Variants in GRID2 observed in about 807,000 individuals in gnomAD.
GRID2 encodes the protein glutamate ionotropic receptor delta type subunit 2.
Under a neutral mutation model 114.8 loss-of-function variants are expected in GRID2, and 33 were observed. That is an observed-to-expected ratio of 0.29 (90% CI 0.22 to 0.38). GRID2 has a LOEUF of 0.38. Ranked by LOEUF, GRID2 falls within the 10% of genes least tolerant of loss-of-function variation. The probability of loss-of-function intolerance (pLI) is 1.00; values close to 1 mark genes in which losing one functional copy is unlikely to be tolerated. For missense variants in GRID2, 1,184 were observed against 1,257.7 expected, an observed-to-expected ratio of 0.94 and a Z score of 0.89; for synonymous variants, 505 against 449.9, an observed-to-expected ratio of 1.12 and a Z score of -1.55.
chr4:93,201,007 A>T (rs1742050642), intron 4 of GRID2, among the ~76,000 whole-genome samples: 1 of 152,176 alleles, frequency 6.6e-6, no homozygotes, highest in African/African-American at 2.4e-5. Flanking sequence ...TTGTGTGGGC[A>T]CTATCATTAT....
chr4:92,496,191 G>A (rs553722812), intron 1 of GRID2, among the ~76,000 whole-genome samples: 8 of 151,824 alleles, frequency 5.3e-5, no homozygotes, highest in African/African-American at 1.9e-4. Context: ...TTAAAAAACT[G>A]ATATTTATCC....
intron 2 of GRID2, among the ~76,000 whole-genome samples, chr4:92,747,162 T>C (rs535955571): frequency 1.2e-4 from 19 of 152,164 alleles, no homozygotes; most frequent in Middle Eastern, 3.4e-3. Flanking sequence ...CCTAAAATGA[T>C]ATCTATTGCC....
At chr4:92,442,718 A>C (rs1733178140) in intron 1 of GRID2, among the ~76,000 whole-genome samples, 1 of 152,298 alleles carries the variant, frequency 6.6e-6, no homozygotes, top group African/African-American at 2.4e-5. Flanking sequence ...CTAGGGCTGT[A>C]AAGTGTCTCG....
intron 14 of GRID2, among the ~76,000 whole-genome samples, chr4:93,657,319 T>G (rs1723107159): frequency 1.3e-5 from 2 of 152,106 alleles, no homozygotes; most frequent in African/African-American, 4.8e-5. Flanking sequence ...TCATATGTAA[T>G]ACTTAGGATA....
At chr4:92,730,306 A>G (rs1310227671) in intron 2 of GRID2, among the ~76,000 whole-genome samples, 7 of 152,048 alleles carry the variant, frequency 4.6e-5, no homozygotes, top group Admixed American at 6.6e-5. Flanking sequence ...GATCTCAGCT[A>G]TTTTTAAAGG....
chr4:92,901,424 ACCCAAT>A (rs1747576321), intron 2 of GRID2, among the ~76,000 whole-genome samples: 1 of 152,028 alleles, frequency 6.6e-6, no homozygotes, highest in Admixed American at 6.6e-5. Context: ...AGATATGTTC[ACCCAAT>A]CTGTAGGTTG....
intron 2 of GRID2, among the ~76,000 whole-genome samples, chr4:92,704,632 C>T (rs988205269): frequency 4.6e-5 from 7 of 151,890 alleles, no homozygotes; most frequent in Non-Finnish European, 8.8e-5. Flanking sequence ...CCTTTCTTTA[C>T]GTGTAGAATT....
intron 13 of GRID2, among the ~76,000 whole-genome samples, chr4:93,548,263 A>T (rs1214730467): frequency 6.6e-6 from 1 of 152,208 alleles, no homozygotes; most frequent in East Asian, 1.9e-4. Flanking sequence ...AGTGAAGCAT[A>T]AACTCTTTGA....
intron 2 of GRID2, among the ~76,000 whole-genome samples, chr4:92,973,648 C>T (rs1753663715): frequency 6.6e-6 from 1 of 151,986 alleles, no homozygotes; most frequent in Non-Finnish European, 1.5e-5. Context: ...AGTAGCCATA[C>T]CAATGTGAGA....
chr4:93,544,948 A>G (rs1027002228), intron 13 of GRID2, among the ~76,000 whole-genome samples: 21 of 152,156 alleles, frequency 1.4e-4, no homozygotes, highest in African/African-American at 4.8e-4. Flanking sequence ...CATTCTTAAA[A>G]TGTGCTATTT....
chr4:93,536,891 A>T (rs550248022), intron 13 of GRID2, among the ~76,000 whole-genome samples: 1 of 151,664 alleles, frequency 6.6e-6, no homozygotes, highest in African/African-American at 2.4e-5. Flanking sequence ...CCTTTAAAGG[A>T]TAGAAGTTTT....
intron 13 of GRID2, among the ~76,000 whole-genome samples, chr4:93,589,738 T>C (rs1429992039): frequency 6.6e-6 from 1 of 152,136 alleles, no homozygotes; most frequent in Non-Finnish European, 1.5e-5. Context: ...TTTTAATGAT[T>C]GCCATTCTAA....
chr4:93,385,215 G>A (rs946135806), intron 8 of GRID2, among the ~76,000 whole-genome samples: 11 of 152,118 alleles, frequency 7.2e-5, no homozygotes, highest in Admixed American at 3.3e-4. Context: ...GTGTCATGTC[G>A]GTCTTAGCAT....
chr4:92,426,260 A>G (rs1732152048), intron 1 of GRID2, among the ~76,000 whole-genome samples: 1 of 152,152 alleles, frequency 6.6e-6, no homozygotes, highest in Admixed American at 6.5e-5. Context: ...TGAAATACCT[A>G]GAATAACACA....
intron 14 of GRID2, among the ~76,000 whole-genome samples, chr4:93,703,716 A>T (rs559660234): frequency 7.2e-6 from 1 of 138,970 alleles, no homozygotes; most frequent in Non-Finnish European, 1.5e-5. Context: ...TCATTGTTCA[A>T]TTCCCACCTA....
At chr4:92,354,216 C>T (rs1178802129) in intron 1 of GRID2, among the ~76,000 whole-genome samples, 1 of 151,946 alleles carries the variant, frequency 6.6e-6, no homozygotes, top group Non-Finnish European at 1.5e-5. Context: ...ATGAGTGGGG[C>T]GAGGACAGAT....
At chr4:93,110,586 C>T (rs1732670623) in intron 3 of GRID2, among the ~76,000 whole-genome samples, 162 bp from the exon 4 acceptor site, 1 of 152,042 alleles carries the variant, frequency 6.6e-6, no homozygotes, top group Admixed American at 6.6e-5. Flanking sequence ...CAAAATGTAC[C>T]AAACCTTAAA....
At chr4:93,669,994 C>A (rs1013131055) in intron 14 of GRID2, among the ~76,000 whole-genome samples, 2 of 152,214 alleles carry the variant, frequency 1.3e-5, no homozygotes, top group Middle Eastern at 3.4e-3. Context: ...AGTATAACTT[C>A]TTGATGAACT....
chr4:92,460,332 A>G (rs1464243699), intron 1 of GRID2, among the ~76,000 whole-genome samples: 1 of 151,868 alleles, frequency 6.6e-6, no homozygotes, highest in African/African-American at 2.4e-5. Flanking sequence ...CTCATTAGTT[A>G]AATTTACAGA....
Sources: allele counts gnomAD v4.1 joint callset (sites outside exome capture counted in the v4.1 genomes callset), GRCh38; gene constraint gnomAD v4.1.1; transcripts MANE v1.5; gene names NCBI Gene and HGNC (gene_info 2026-07-23, HGNC 2026-07-21).